Variants in CGNL1 observed in about 807,000 individuals in gnomAD.
CGNL1 encodes the protein cingulin like 1, also known as cingulin-like protein 1.
In CGNL1, 132 loss-of-function variants were observed where a neutral mutation model predicts 141.2. The ratio of observed to expected loss-of-function variants is 0.93; its 90% CI spans 0.81 to 1.08. The LOEUF is 1.08. Among genes scored for constraint, CGNL1 ranks in the 50% least tolerant of loss-of-function variants. The pLI is 0.00. For missense variants in CGNL1, 1,870 were observed against 1,588.6 expected (o/e 1.18, Z -3.01); for synonymous variants, 690 against 622.1 (o/e 1.11, Z -1.63).
chr15:57,403,405 A>C (rs1445181000), intron 1 of CGNL1, among the ~76,000 whole-genome samples: 1 of 152,256 alleles, frequency 6.6e-6, no homozygotes, highest in Non-Finnish European at 1.5e-5. Flanking sequence ...CTCCATGCAA[A>C]GAAACACGAG....
chr15:57,484,402 A>G (rs1203334166), intron 8 of CGNL1, among the ~76,000 whole-genome samples: 2 of 152,128 alleles, frequency 1.3e-5, no homozygotes, highest in African/African-American at 2.4e-5. Flanking sequence ...TTGTTTATAG[A>G]TGTCTGCAGG....
intron 1 of CGNL1, among the ~76,000 whole-genome samples, chr15:57,379,584 C>T: frequency 6.6e-6 from 1 of 152,224 alleles, no homozygotes; most frequent in East Asian, 1.9e-4. Context: ...TGCCATTGGC[C>T]TTTTAAAAAT....
intron 12 of CGNL1, chr15:57,527,815 G>A (rs959950633): frequency 7.9e-5 from 12 of 152,174 alleles, no homozygotes; most frequent in African/African-American, 2.9e-4. Flanking sequence ...GTTGCTTTGC[G>A]GTCATTAATT....
chr15:57,534,753 C>T lies in CGNL1; in HGVS notation c.3291+2974C>T, dbSNP rs553079853. On this transcript the variant is annotated intron_variant, in intron 14 of 18. Transcript: ENST00000281282. ...CATCTCCTAAAAACAGGAAAGGGTGCTTGTTATCTTGAACCCAAGTAATAA... is the reference window on the plus strand; with the variant it reads ...CATCTCCTAAAAACAGGAAAGGGTGTTTGTTATCTTGAACCCAAGTAATAA... 2.0e-5 allele frequency among the ~76,000 whole-genome samples: 3 copies of T among 152,352 alleles called. No individual in the cohort carries two copies. In the South Asian group the frequency reaches 6.2e-4, roughly 32 times the overall value.
Position 57,421,298 on chromosome 15 carries a change from TG to T in CGNL1, c.-15-16686del, listed in dbSNP as rs200899646. Among the ~76,000 whole-genome samples, 66 of 152,356 alleles carry T rather than the reference TG, an allele frequency of 4.3e-4. No individual in the cohort carries two copies. In the East Asian group the frequency reaches 0.011, roughly 25 times the overall value. ...TTAAGCCACTCAGTCTGTGGTATTT[TG>T]TCATAGCAGCCCAAGCTGACTGATA... On this transcript the variant is annotated intron_variant, in intron 1 of 18. Coordinates refer to ENST00000281282, the MANE Select transcript of CGNL1 (RefSeq NM_032866.5).
chr15:57,523,500 T>C lies in CGNL1; in HGVS notation c.2727T>C (p.Ser909=), dbSNP rs369864619. The C allele has an allele frequency of 1.2e-6, 2 of 1,613,742 alleles. No individual in the cohort carries two copies. Among genetic ancestry groups the C allele is most frequent in the Non-Finnish European group, 1.7e-6 (2 of 1,179,952 alleles). The change falls in exon 11 of 19, where the codon AGT becomes AGC. Residue 909 remains serine (S), a synonymous_variant. Transcript: ENST00000281282. ...CCTGCCATTTGCAGGGAAATCTGAG[T>C]CAGACTACCCAGGAGCAGAAGCAGT... The part of the protein sequence containing the change: ...NELEAAQGNL[S]QTTQEQKQLS...
intron 1 of CGNL1, among the ~76,000 whole-genome samples, chr15:57,417,940 G>A (rs1328922218): frequency 1.3e-5 from 2 of 152,224 alleles, no homozygotes; most frequent in Admixed American, 1.3e-4. Context: ...CTTCAGCTAA[G>A]TGGCTCAGAG....
intron 8 of CGNL1, among the ~76,000 whole-genome samples, chr15:57,485,706 A>T (rs1360633800): frequency 6.6e-6 from 1 of 152,246 alleles, no homozygotes; most frequent in Non-Finnish European, 1.5e-5. Context: ...TAAATTGAAC[A>T]ATGCATAAGA....
At chr15:57,389,386 A>G (rs1405728636) in intron 1 of CGNL1, among the ~76,000 whole-genome samples, 1 of 152,264 alleles carries the variant, frequency 6.6e-6, no homozygotes, top group Non-Finnish European at 1.5e-5. Flanking sequence ...TGCTATCAAC[A>G]AATGTAAGAG....
rs144707941 is a variant in CGNL1, at chr15:57,470,682, C to T, written c.2403+8790C>T. ...CCTGAGTGTGTTTTCTGTGCCAGCG[C>T]GGTGCTAGTCACCAAGAATATAAAG... On this transcript the variant is annotated intron_variant, in intron 8 of 18. Coordinates refer to ENST00000281282, the MANE Select transcript of CGNL1 (RefSeq NM_032866.5). Among the ~76,000 whole-genome samples the T allele has an allele frequency of 3.4e-3, 514 of 152,258 alleles. 1 individual carries two copies. The highest frequency in any genetic ancestry group is 0.011 in the African/African-American group (462 of 41,528).
At chr15:57,503,045 G>A (rs1257401853) in intron 8 of CGNL1, among the ~76,000 whole-genome samples, 1 of 152,250 alleles carries the variant, frequency 6.6e-6, no homozygotes, top group African/African-American at 2.4e-5. Flanking sequence ...GACGCACCAT[G>A]TGGGATGCTT....
intron 8 of CGNL1, among the ~76,000 whole-genome samples, chr15:57,467,301 G>A (rs1453472487): frequency 2.6e-5 from 4 of 152,174 alleles, no homozygotes; most frequent in Non-Finnish European, 4.4e-5. Context: ...TGCTTAGGAG[G>A]AGGACTGCTG....
At position 57,451,489 on chromosome 15, in the gene CGNL1, A is replaced by G. The variant is rs372578341; in HGVS notation, c.1804-11A>G. 4 of 1,580,168 alleles carry G rather than the reference A, an allele frequency of 2.5e-6. No homozygotes were observed. Among genetic ancestry groups the G allele is most frequent in the African/African-American group, 1.4e-5 (1 of 73,742 alleles). On this transcript the variant is annotated splice_polypyrimidine_tract_variant and intron_variant, in intron 4 of 18. Transcript: ENST00000281282. The stretch of plus-strand genomic sequence containing the variant: ...ACATTTAAATTAGTATATCTTTGCA[A>G]TTAATTATAGGCTTGTAATTCCACA...
At chr15:57,380,919 CAA>C (rs1283045269) in intron 1 of CGNL1, among the ~76,000 whole-genome samples, 2 of 152,150 alleles carry the variant, frequency 1.3e-5, no homozygotes, top group Non-Finnish European at 2.9e-5. Flanking sequence ...CTTTTTGGAG[CAA>C]GTGGTTGGGT....
At chr15:57,534,758 TA>T (rs1651659776) in intron 14 of CGNL1, among the ~76,000 whole-genome samples, 2 of 152,248 alleles carry the variant, frequency 1.3e-5, no homozygotes, top group Non-Finnish European at 2.9e-5. Flanking sequence ...GGGTGCTTGT[TA>T]TCTTGAACCC....
At chr15:57,389,389 T>C (rs1031387812) in intron 1 of CGNL1, among the ~76,000 whole-genome samples, 1 of 152,254 alleles carries the variant, frequency 6.6e-6, no homozygotes, top group African/African-American at 2.4e-5. Flanking sequence ...TATCAACAAA[T>C]GTAAGAGTTC....
intron 4 of CGNL1, among the ~76,000 whole-genome samples, chr15:57,450,328 G>T (rs1395983411): frequency 6.6e-6 from 1 of 152,200 alleles, no homozygotes; most frequent in African/African-American, 2.4e-5. Context: ...CCAGTCTGGA[G>T]TGCAGTAGCA....
At chr15:57,545,962 G>C in intron 17 of CGNL1, 114 bp from the exon 18 acceptor site, 4 of 1,165,812 alleles carry the variant, frequency 3.4e-6, no homozygotes, top group Non-Finnish European at 4.9e-6. Context: ...GAGACTGGCT[G>C]CCCCATTGCC....
At chr15:57,390,539 G>A (rs957981666) in intron 1 of CGNL1, among the ~76,000 whole-genome samples, 9 of 152,210 alleles carry the variant, frequency 5.9e-5, no homozygotes, top group African/African-American at 2.2e-4. Flanking sequence ...ATATGGAGGA[G>A]CAAAGCACTG....
Sources: allele counts gnomAD v4.1 joint callset (sites outside exome capture counted in the v4.1 genomes callset), GRCh38; gene constraint gnomAD v4.1.1; transcripts MANE v1.5; gene names NCBI Gene and HGNC (gene_info 2026-07-23, HGNC 2026-07-21).